RBFOX1: variants seen among roughly 807,000 people sequenced by gnomAD.
RBFOX1 encodes the protein RNA binding protein fox-1 homolog 1.
RBFOX1 carries 8 observed loss-of-function variants against 57.7 expected under a neutral mutation model. The observed-to-expected ratio is 0.14, with a 90% confidence interval of 0.08 to 0.25. The LOEUF (loss-of-function observed/expected upper bound fraction) is 0.25, where lower values mean the gene tolerates loss of function less well. Among genes scored for constraint, RBFOX1 ranks in the 10% least tolerant of loss-of-function variants. RBFOX1 has a pLI of 1.00. For synonymous variants in RBFOX1, 326 were observed against 222.4 expected (o/e 1.47, Z -4.15); for missense variants, 611 against 548.5 (o/e 1.11, Z -1.14).
At chr16:5,626,924 C>G (rs1254769769) in intron 3 of RBFOX1, among the ~76,000 whole-genome samples, 1 of 152,140 alleles carries the variant, frequency 6.6e-6, no homozygotes, top group African/African-American at 2.4e-5. Flanking sequence ...AACTGAACAT[C>G]TACATTTCTG....
intron 12 of RBFOX1, chr16:7,664,683 A>C: frequency 1.8e-6 from 1 of 568,422 alleles, no homozygotes; most frequent in Non-Finnish European, 3.1e-6. Context: ...GAGAGTGGGA[A>C]GTTTGGGACC....
chr16:6,604,146 G>A (rs9940407), intron 2 of RBFOX1, among the ~76,000 whole-genome samples: 9,588 of 151,570 alleles, frequency 0.063, 1,000 homozygotes, highest in African/African-American at 0.22. Context: ...GCATCCCCTC[G>A]CCTTGGCAGT....
chr16:6,554,330 T>C (rs1172944323), intron 2 of RBFOX1, among the ~76,000 whole-genome samples: 1 of 152,110 alleles, frequency 6.6e-6, no homozygotes, highest in Non-Finnish European at 1.5e-5. Flanking sequence ...CCGTGAAGTG[T>C]TGGGAATAGG....
At chr16:6,942,332 T>C (rs1014669999) in intron 3 of RBFOX1, among the ~76,000 whole-genome samples, 4 of 152,134 alleles carry the variant, frequency 2.6e-5, no homozygotes, top group African/African-American at 9.7e-5. Context: ...CACGCTCAGC[T>C]AATTTTTTGA....
chr16:5,962,621 C>CAAAT (rs1474851859), intron 4 of RBFOX1, among the ~76,000 whole-genome samples: 6 of 152,186 alleles, frequency 3.9e-5, no homozygotes, highest in Non-Finnish European at 4.4e-5. Context: ...ATTCACTGAG[C>CAAAT]AAATGTTGTT....
intron 3 of RBFOX1, among the ~76,000 whole-genome samples, chr16:5,625,040 C>G (rs761142685): frequency 6.6e-6 from 1 of 152,140 alleles, no homozygotes; most frequent in African/African-American, 2.4e-5. Context: ...CCTCCATAGG[C>G]GGCTCTGGAT....
chr16:5,499,270 A>T (rs552246654), intron 2 of RBFOX1, among the ~76,000 whole-genome samples: 1 of 152,316 alleles, frequency 6.6e-6, no homozygotes, highest in South Asian at 2.1e-4. Flanking sequence ...AGAAAATACT[A>T]GAGGAATGAC....
At chr16:6,210,287 G>A (rs1276906778) in intron 1 of RBFOX1, among the ~76,000 whole-genome samples, 5 of 143,670 alleles carry the variant, frequency 3.5e-5, no homozygotes, top group Non-Finnish European at 6.0e-5. Context: ...ATTGCATTCC[G>A]GCCTGGGTGA....
At chr16:6,933,171 C>G (rs1038359400) in intron 3 of RBFOX1, among the ~76,000 whole-genome samples, 4 of 152,172 alleles carry the variant, frequency 2.6e-5, no homozygotes, top group African/African-American at 9.7e-5. Context: ...TCCTTCCACA[C>G]TTGAGTTACT....
intron 1 of RBFOX1, among the ~76,000 whole-genome samples, chr16:6,168,705 G>T (rs2096935942): frequency 6.6e-6 from 1 of 152,066 alleles, no homozygotes; most frequent in Non-Finnish European, 1.5e-5. Context: ...GGAGGGAAGG[G>T]GTCTTTTCTT....
chr16:7,354,958 C>G (rs1055122946), intron 4 of RBFOX1, among the ~76,000 whole-genome samples: 1 of 152,034 alleles, frequency 6.6e-6, no homozygotes, highest in Non-Finnish European at 1.5e-5. Flanking sequence ...TAAGCAAATT[C>G]GAATGCTGAA....
At chr16:5,581,154 C>T (rs560787798) in intron 2 of RBFOX1, among the ~76,000 whole-genome samples, 10 of 152,156 alleles carry the variant, frequency 6.6e-5, no homozygotes, top group Non-Finnish European at 1.2e-4. Flanking sequence ...CTTTCTTGGA[C>T]TCCTATGTGC....
chr16:7,310,840 C>T (rs115054783), intron 4 of RBFOX1, among the ~76,000 whole-genome samples: 29 of 152,284 alleles, frequency 1.9e-4, no homozygotes, highest in African/African-American at 6.3e-4. Flanking sequence ...TCCAGCTGCC[C>T]TTCTAGACTC....
intron 3 of RBFOX1, among the ~76,000 whole-genome samples, chr16:6,817,265 C>G (rs982158376): frequency 3.3e-5 from 5 of 152,148 alleles, no homozygotes; most frequent in African/African-American, 1.2e-4. Context: ...TAACATACTT[C>G]TGACCACCTT....
chr16:5,287,188 C>T (rs1454036922), intron 1 of RBFOX1, among the ~76,000 whole-genome samples: 1 of 152,036 alleles, frequency 6.6e-6, no homozygotes, highest in East Asian at 1.9e-4. Context: ...GTCTGTAGTC[C>T]TAGCTATGTA....
At chr16:7,443,776 G>A (rs896032508) in intron 4 of RBFOX1, among the ~76,000 whole-genome samples, 5 of 152,108 alleles carry the variant, frequency 3.3e-5, no homozygotes, top group African/African-American at 4.8e-5. Flanking sequence ...GAAGAGATCC[G>A]TTGCTCCTAT....
At chr16:7,067,334 C>G (rs1222417057) in intron 4 of RBFOX1, among the ~76,000 whole-genome samples, 2 of 151,896 alleles carry the variant, frequency 1.3e-5, no homozygotes, top group East Asian at 3.9e-4. Flanking sequence ...TTATAGAACA[C>G]AAATTTACTA....
At chr16:6,754,419 C>G (rs1374307981) in intron 3 of RBFOX1, among the ~76,000 whole-genome samples, 3 of 152,154 alleles carry the variant, frequency 2.0e-5, no homozygotes, top group Non-Finnish European at 4.4e-5. Flanking sequence ...TATTTCAAAA[C>G]CTACGGTCGA....
intron 4 of RBFOX1, among the ~76,000 whole-genome samples, chr16:7,426,685 T>C (rs1466648034): frequency 3.3e-5 from 5 of 152,154 alleles, no homozygotes; most frequent in South Asian, 4.2e-4. Context: ...ACATGATGCG[T>C]TGCATATTTT....
Sources: allele counts gnomAD v4.1 joint callset (sites outside exome capture counted in the v4.1 genomes callset), GRCh38; gene constraint gnomAD v4.1.1; transcripts MANE v1.5; gene names NCBI Gene and HGNC (gene_info 2026-07-23, HGNC 2026-07-21).